Variants in ADK observed in about 807,000 individuals in gnomAD.
The protein encoded by ADK is adenosine kinase, also known as N6,N6-dimethyladenosine kinase.
Under a neutral mutation model 44.7 loss-of-function variants are expected in ADK, and 24 were observed. The ratio of observed to expected loss-of-function variants is 0.54; its 90% CI spans 0.39 to 0.76. The LOEUF (loss-of-function observed/expected upper bound fraction) is 0.76. ADK is among the 30% of genes least tolerant of loss of function. The pLI is 0.00. For missense variants in ADK, 321 were observed against 425.1 expected (o/e 0.76, Z 2.15); for synonymous variants, 128 against 142.6 (o/e 0.90, Z 0.73).
At chr10:74,641,216 T>C (rs1156470702) in intron 9 of ADK, among the ~76,000 whole-genome samples, 3 of 152,166 alleles carry the variant, frequency 2.0e-5, no homozygotes, top group Admixed American at 1.3e-4. Context: ...TTTACTATTT[T>C]ATTTTTAAAT....
intron 2 of ADK, among the ~76,000 whole-genome samples, chr10:74,211,217 AT>A (rs1591860698): frequency 1.3e-5 from 2 of 151,198 alleles, no homozygotes; most frequent in Admixed American, 1.3e-4. Flanking sequence ...CTATTGCCAT[AT>A]TTTTTTCTAC....
intron 7 of ADK, among the ~76,000 whole-genome samples, chr10:74,546,399 G>A (rs1467329883): frequency 6.6e-6 from 1 of 151,644 alleles, no homozygotes; most frequent in African/African-American, 2.4e-5. Flanking sequence ...TCTCATCTCT[G>A]TTTTTTTTAG....
chr10:74,203,770 A>ATTG (rs1564590895), intron 2 of ADK, among the ~76,000 whole-genome samples: 1 of 150,890 alleles, frequency 6.6e-6, no homozygotes, highest in Non-Finnish European at 1.5e-5. Context: ...TATTATTATT[A>ATTG]TTATTATTAA....
intron 10 of ADK, among the ~76,000 whole-genome samples, chr10:74,700,462 C>T (rs1424424900): frequency 6.6e-6 from 1 of 152,140 alleles, no homozygotes; most frequent in Non-Finnish European, 1.5e-5. Flanking sequence ...AGGCAGGTCT[C>T]AAACTCCCGA....
intron 1 of ADK, among the ~76,000 whole-genome samples, chr10:74,181,247 G>T (rs1260222683): frequency 6.6e-6 from 1 of 151,648 alleles, no homozygotes; most frequent in Non-Finnish European, 1.5e-5. Context: ...TTTTTTTTGG[G>T]GGGGGTCTCT....
rs992569705 is a variant in ADK, at chr10:74,709,113, A to G, written c.*668A>G. 2 of 152,394 alleles carry G rather than the reference A, an allele frequency of 1.3e-5. No individual in the cohort carries two copies. Among genetic ancestry groups the G allele is most frequent in the African/African-American group, 4.8e-5 (2 of 41,472 alleles). 9.4% of individuals were successfully genotyped at this position (152,394 alleles called of 1,614,324 possible). On this transcript the variant is annotated 3_prime_UTR_variant, in exon 11 of 11. Coordinates refer to ENST00000539909, the MANE Select transcript of ADK (RefSeq NM_006721.4). ...TTGGACACAAACAAAAACTTGTCAT[A>G]TAGGAATTTTTTTCTGTCTTTTCCC...
chr10:74,506,806 A>C (rs1848094379), intron 6 of ADK, among the ~76,000 whole-genome samples: 1 of 152,240 alleles, frequency 6.6e-6, no homozygotes, highest in African/African-American at 2.4e-5. Flanking sequence ...GTTTTATGAT[A>C]GTGATAAAAT....
At chr10:74,267,810 G>A (rs964177767) in intron 3 of ADK, among the ~76,000 whole-genome samples, 11 of 133,998 alleles carry the variant, frequency 8.2e-5, no homozygotes, top group Non-Finnish European at 1.6e-4. Context: ...GTCTGTTTTA[G>A]TGGCTCTAAA....
At chr10:74,642,653 C>T (rs1456599074) in intron 9 of ADK, among the ~76,000 whole-genome samples, 1 of 151,932 alleles carries the variant, frequency 6.6e-6, no homozygotes, top group Non-Finnish European at 1.5e-5. Context: ...AGAGATAACC[C>T]TTGTTAACAA....
intron 7 of ADK, among the ~76,000 whole-genome samples, chr10:74,569,991 T>C (rs1311993078): frequency 1.3e-5 from 2 of 152,192 alleles, no homozygotes; most frequent in Non-Finnish European, 2.9e-5. Context: ...TTTCTACTTA[T>C]GGCTAGCCAG....
chr10:74,488,783 A>G (rs1481406034), intron 6 of ADK, among the ~76,000 whole-genome samples: 1 of 151,814 alleles, frequency 6.6e-6, no homozygotes, highest in Non-Finnish European at 1.5e-5. Flanking sequence ...GCTTTTTTCA[A>G]CAGCTATATA....
At chr10:74,254,446 T>C (rs569756081) in intron 3 of ADK, among the ~76,000 whole-genome samples, 13 of 152,214 alleles carry the variant, frequency 8.5e-5, no homozygotes, top group Admixed American at 4.6e-4. Context: ...TCAGGTTCGG[T>C]TGCTGGATCT....
At chr10:74,551,493 G>A (rs1181903641) in intron 7 of ADK, 1 of 152,190 alleles carries the variant, frequency 6.6e-6, no homozygotes, top group African/African-American at 2.4e-5. Context: ...ACTAGCCTTA[G>A]GAAAAAACAA....
At chr10:74,406,625 A>G (rs1214556382) in intron 6 of ADK, among the ~76,000 whole-genome samples, 1 of 151,508 alleles carries the variant, frequency 6.6e-6, no homozygotes, top group Admixed American at 6.6e-5. Flanking sequence ...TTGTTTTTCT[A>G]TCTGTTCTTC....
chr10:74,190,202 A>T (rs1203306089), intron 1 of ADK, among the ~76,000 whole-genome samples: 2 of 152,356 alleles, frequency 1.3e-5, no homozygotes, highest in East Asian at 3.9e-4. Context: ...TTGCAACAGC[A>T]ATGTATGAAG....
At chr10:74,668,706 G>T (rs1855061505) in intron 9 of ADK, among the ~76,000 whole-genome samples, 2 of 152,206 alleles carry the variant, frequency 1.3e-5, no homozygotes, top group Admixed American at 1.3e-4. Context: ...CTGCACTCCA[G>T]CCTGGGCAAT....
At position 74,670,289 on chromosome 10, in the gene ADK, A is replaced by G. The variant is rs1362691282; in HGVS notation, c.964+20A>G. 1 of 1,578,384 alleles carries G rather than the reference A, an allele frequency of 6.3e-7. No homozygotes were observed. The highest frequency in any genetic ancestry group is 1.7e-5 in the Admixed American group (1 of 59,962). ...TTGGAGGTACAGACTAATTTATTTC[A>G]TTCTTACTTACAAGTAAAACATTTT... On this transcript the variant is annotated intron_variant, in intron 10 of 10. Coordinates refer to ENST00000539909, the MANE Select transcript of ADK (RefSeq NM_006721.4).
intron 9 of ADK, among the ~76,000 whole-genome samples, chr10:74,606,183 CA>C (rs538764174): frequency 5.9e-5 from 9 of 151,986 alleles, no homozygotes; most frequent in Non-Finnish European, 1.0e-4. Context: ...TTAATCTTTG[CA>C]AAAAACCAGC....
At chr10:74,171,412 A>G (rs868408047) in intron 1 of ADK, among the ~76,000 whole-genome samples, 1 of 152,138 alleles carries the variant, frequency 6.6e-6, no homozygotes, top group Non-Finnish European at 1.5e-5. Context: ...GAACTTTGCT[A>G]TTATTTTGGG....
Sources: gnomAD v4.1 joint callset for allele counts (sites outside exome capture counted in the v4.1 genomes callset) on GRCh38, gnomAD v4.1.1 for gene constraint, MANE v1.5 for transcripts, NCBI Gene and HGNC (gene_info 2026-07-23, HGNC 2026-07-21) for gene names.